Variants in ITIH5 observed in about 807,000 individuals in gnomAD.
ITIH5 encodes the protein inter-alpha-trypsin inhibitor heavy chain 5, also known as inter-alpha-trypsin inhibitor heavy chain H5.
A neutral mutation model predicts 77.5 loss-of-function variants in ITIH5; 65 were observed. That is an observed-to-expected ratio of 0.84 (90% CI 0.69 to 1.03). The LOEUF (loss-of-function observed/expected upper bound fraction) is 1.03, where lower values mean the gene tolerates loss of function less well. ITIH5 is among the 50% of genes least tolerant of loss of function. The pLI, the probability that ITIH5 is intolerant of heterozygous loss-of-function variation, is 0.00. For synonymous variants in ITIH5, 525 were observed against 494.3 expected (o/e 1.06, Z -0.82); for missense variants, 1,208 against 1,213.1 (o/e 1.00, Z 0.06).
chr10:7,652,829 A>G (rs553155826), intron 2 of ITIH5, among the ~76,000 whole-genome samples: 2 of 152,168 alleles, frequency 1.3e-5, no homozygotes, highest in Non-Finnish European at 2.9e-5. Flanking sequence ...TATCACATAC[A>G]AAGGTCTCTG....
At chr10:7,582,802 T>C (rs548861759) in intron 8 of ITIH5, among the ~76,000 whole-genome samples, 7 of 152,144 alleles carry the variant, frequency 4.6e-5, no homozygotes, top group African/African-American at 1.4e-4. Context: ...ATTGAACTTA[T>C]GGAGATAAAG....
At chr10:7,622,314 C>T (rs1410289629) in intron 5 of ITIH5, 1 of 152,088 alleles carries the variant, frequency 6.6e-6, no homozygotes, top group Non-Finnish European at 1.5e-5. Context: ...TGAATCAAAA[C>T]GACTGACTTA....
chr10:7,606,070 T>G (rs1833119859), intron 7 of ITIH5, among the ~76,000 whole-genome samples: 1 of 152,204 alleles, frequency 6.6e-6, no homozygotes, highest in Non-Finnish European at 1.5e-5. Flanking sequence ...TCAGAGATAC[T>G]ACACATTTCA....
At chr10:7,567,353 T>TTATTAC (rs1832209811) in intron 12 of ITIH5, among the ~76,000 whole-genome samples, 2 of 149,016 alleles carry the variant, frequency 1.3e-5, no homozygotes, top group Non-Finnish European at 3.0e-5. Context: ...ATTATTATTA[T>TTATTAC]TATACTTTAG....
intron 7 of ITIH5, among the ~76,000 whole-genome samples, chr10:7,603,734 C>T (rs1833063156): frequency 6.6e-6 from 1 of 152,150 alleles, no homozygotes; most frequent in African/African-American, 2.4e-5. Context: ...CAGGCCCCAC[C>T]ACCACGCCCA....
At chr10:7,581,267 A>AC (rs1832546937) in intron 8 of ITIH5, among the ~76,000 whole-genome samples, 1 of 152,052 alleles carries the variant, frequency 6.6e-6, no homozygotes, top group Admixed American at 6.6e-5. Flanking sequence ...CTCAACAGAA[A>AC]AAATAAAAAT....
At chr10:7,623,925 C>G (rs552897535) in intron 5 of ITIH5, among the ~76,000 whole-genome samples, 1 of 151,990 alleles carries the variant, frequency 6.6e-6, no homozygotes, top group Non-Finnish European at 1.5e-5. Flanking sequence ...TGGAAAACAG[C>G]ATCATATAGA....
intron 3 of ITIH5, 101 bp from the exon 4 acceptor site, chr10:7,640,956 C>A (rs1179940723): frequency 1.2e-6 from 1 of 823,582 alleles, no homozygotes; most frequent in Non-Finnish European, 2.1e-6. Context: ...TTTTTATTTG[C>A]CTTTTGGATG....
At chr10:7,575,912 C>A (rs746987165) in intron 10 of ITIH5, among the ~76,000 whole-genome samples, 1 of 152,202 alleles carries the variant, frequency 6.6e-6, no homozygotes, top group African/African-American at 2.4e-5. Context: ...ATTTCTGAAC[C>A]AAATGCCACC....
intron 2 of ITIH5, among the ~76,000 whole-genome samples, chr10:7,647,965 C>T (rs1336968206): frequency 6.6e-6 from 1 of 151,934 alleles, no homozygotes; most frequent in East Asian, 1.9e-4. Flanking sequence ...ACACAGTGGC[C>T]GGGCACAGTG....
At chr10:7,569,821 A>G in intron 11 of ITIH5, 37 bp from the exon 12 acceptor site, 1 of 1,314,762 alleles carries the variant, frequency 7.6e-7, no homozygotes, top group South Asian at 1.4e-5. Flanking sequence ...AAAAAGAAAG[A>G]CACTTATTCA....
intron 2 of ITIH5, among the ~76,000 whole-genome samples, chr10:7,642,665 G>A (rs1484924553): frequency 6.6e-6 from 1 of 152,248 alleles, no homozygotes; most frequent in Non-Finnish European, 1.5e-5. Context: ...CCAGAAAAAG[G>A]AACACATAAG....
In ITIH5 at chr10:7,561,582, G is replaced by C. The variant is rs3814699; in HGVS notation, c.*1501C>G. Reference sequence around the variant, plus strand: ...CCTGGTGTGGTGGGTTCACGAAGCAGAGAGAGACGAGCCCAGATAGTCCCC... The same window carrying C: ...CCTGGTGTGGTGGGTTCACGAAGCACAGAGAGACGAGCCCAGATAGTCCCC... On this transcript the variant is annotated 3_prime_UTR_variant, in exon 14 of 14. Coordinates refer to ENST00000397146, the MANE Select transcript of ITIH5 (RefSeq NM_030569.7). 20,097 of 152,298 alleles carry C rather than the reference G, an allele frequency of 0.13. 1,523 individuals are homozygous for C. Among genetic ancestry groups the C allele is most frequent in the African/African-American group, 0.21 (8,740 of 41,510 alleles). The allele number at this position is 152,298 out of a possible 1,614,324, so 9.4% of individuals were successfully genotyped here.
rs1273829023 is a variant in ITIH5 at position 7,579,906 on chromosome 10, TG to T, written c.1266del (p.Asn422LysfsTer120). 3 of 1,614,018 alleles carry T rather than the reference TG, an allele frequency of 1.9e-6. No homozygotes were observed. The highest frequency in any genetic ancestry group is 2.5e-6 in the Non-Finnish European group (3 of 1,180,018). On this transcript the variant is annotated frameshift_variant, in exon 9 of 14. Coordinates refer to ENST00000397146, the MANE Select transcript of ITIH5 (RefSeq NM_030569.7). LOFTEE classifies it high-confidence loss of function. ...ACTTGGCCTCGGGCGGCCTCTCGGG[TG>T]TTGTTGAGGATCTTGAGGGTGTGCG... ...GETHTLKILN[N>X]TREAARGQVC...
chr10:7,576,935 G>A lies in ITIH5; in HGVS notation c.1496C>T (p.Thr499Ile). 6.2e-7 allele frequency: 1 copy of A among 1,614,194 alleles called. No homozygotes were observed. Among genetic ancestry groups the A allele is most frequent in the South Asian group, 1.1e-5 (1 of 91,084 alleles). The change falls in exon 10 of 14, where the codon ACC (threonine) becomes ATC (isoleucine). Residue 499 changes from threonine (T) to isoleucine (I), a missense_variant. Coordinates refer to ENST00000397146, the MANE Select transcript of ITIH5 (RefSeq NM_030569.7). ...GAAGTAGTTGGGGAACAGGGTCTTG[G>A]TGGCCTGCACCACTGAGCTGGGGGG... is the stretch of plus-strand genomic sequence containing the variant. Reference protein sequence around the residue: ...DYPPSSVVQATKTLFPNYFNG... With the variant: ...DYPPSSVVQAIKTLFPNYFNG...
intron 5 of ITIH5, among the ~76,000 whole-genome samples, chr10:7,625,951 CAT>C (rs1208723449): frequency 4.6e-5 from 7 of 152,164 alleles, no homozygotes; most frequent in African/African-American, 1.2e-4. Flanking sequence ...GCGCCAGAAA[CAT>C]GTGAGAGTTC....
At position 7,629,072 on chromosome 10, in the gene ITIH5, T is replaced by C. The variant is rs558956277; in HGVS notation, c.652+8156A>G. On this transcript the variant is annotated intron_variant, in intron 5 of 13. Coordinates refer to ENST00000397146, the MANE Select transcript of ITIH5 (RefSeq NM_030569.7). Reference sequence around the variant, plus strand: ...GTGTCCATGTTGTAGCGTGTGCCCATGTTGTAGCGTGTATCCATGTTGTAG... The same window carrying C: ...GTGTCCATGTTGTAGCGTGTGCCCACGTTGTAGCGTGTATCCATGTTGTAG... Among the ~76,000 whole-genome samples the C allele has an allele frequency of 4.9e-3, 692 of 140,876 alleles. 39 individuals are homozygous for C. The highest frequency in any genetic ancestry group is 0.016 in the African/African-American group (646 of 39,406). 92.4% of individuals were successfully genotyped at this position (140,876 alleles called of 152,430 possible).
At chr10:7,571,443 G>A (rs1316551031) in intron 11 of ITIH5, 1 of 152,014 alleles carries the variant, frequency 6.6e-6, no homozygotes, top group Non-Finnish European at 1.5e-5. Flanking sequence ...TTGAGACGGA[G>A]GTTCACTCTG....
chr10:7,560,980 A>G lies in ITIH5; in HGVS notation c.*2103T>C, dbSNP rs536144425. On this transcript the variant is annotated 3_prime_UTR_variant, in exon 14 of 14. Transcript: ENST00000397146. ...AAATACTATATTTTTTTTTTATCAA[A>G]TGCAAAGGTCCTAACTATAAGCTTG... 12 of 151,112 alleles carry G rather than the reference A, an allele frequency of 7.9e-5. No individual in the cohort carries two copies. The highest frequency in any genetic ancestry group is 2.9e-4 in the African/African-American group (12 of 41,192). The allele number at this position is 151,112 out of a possible 1,614,324, so 9.4% of individuals were successfully genotyped here.
Sources: allele counts gnomAD v4.1 joint callset (sites outside exome capture counted in the v4.1 genomes callset), GRCh38; gene constraint gnomAD v4.1.1; transcripts MANE v1.5; gene names NCBI Gene and HGNC (gene_info 2026-07-23, HGNC 2026-07-21).